NTRK3: variants seen among roughly 807,000 people sequenced by gnomAD.
NTRK3 encodes neurotrophic receptor tyrosine kinase 3.
NTRK3 carries 24 observed loss-of-function variants against 91.7 expected under a neutral mutation model. That is an observed-to-expected ratio of 0.26 (90% CI 0.19 to 0.37). NTRK3 has a LOEUF of 0.37. Ranked by LOEUF, NTRK3 falls within the 10% of genes least tolerant of loss-of-function variation. NTRK3 has a pLI of 1.00. For synonymous variants in NTRK3, 483 were observed against 404.0 expected (o/e 1.20, Z -2.34); for missense variants, 880 against 1,068.9 (o/e 0.82, Z 2.46).
At chr15:88,210,095 A>G (rs1225011197) in intron 3 of NTRK3, 1 of 152,202 alleles carries the variant, frequency 6.6e-6, no homozygotes, top group Non-Finnish European at 1.5e-5. Flanking sequence ...TACACAAATA[A>G]CAAATATTAT....
At chr15:88,123,948 A>G (rs2053010771) in intron 13 of NTRK3, among the ~76,000 whole-genome samples, 2 of 152,200 alleles carry the variant, frequency 1.3e-5, no homozygotes, top group African/African-American at 4.8e-5. Flanking sequence ...GGAGGGTTTA[A>G]TGAGGCATGT....
intron 14 of NTRK3, among the ~76,000 whole-genome samples, chr15:87,986,090 C>T (rs1027552982): frequency 2.0e-5 from 3 of 152,348 alleles, no homozygotes; most frequent in Admixed American, 6.5e-5. Context: ...TTACCATTCT[C>T]AGAATTCACT....
At chr15:88,060,022 C>A (rs1318584317) in intron 13 of NTRK3, among the ~76,000 whole-genome samples, 1 of 152,164 alleles carries the variant, frequency 6.6e-6, no homozygotes, top group East Asian at 1.9e-4. Context: ...GTTGTTAAAG[C>A]CACCGAGTCT....
At chr15:88,157,991 G>A (rs2044076933) in intron 5 of NTRK3, among the ~76,000 whole-genome samples, 1 of 152,168 alleles carries the variant, frequency 6.6e-6, no homozygotes, top group Admixed American at 6.5e-5. Flanking sequence ...GATGGGTAAG[G>A]TCATGGCCTT....
intron 13 of NTRK3, among the ~76,000 whole-genome samples, chr15:88,115,492 G>A (rs1241900043): frequency 3.9e-5 from 6 of 152,296 alleles, no homozygotes; most frequent in Middle Eastern, 6.8e-3. Context: ...CCACCCGGAC[G>A]CCCTCCTTGG....
chr15:87,906,582 G>C (rs890074471), intron 17 of NTRK3, among the ~76,000 whole-genome samples: 1 of 152,196 alleles, frequency 6.6e-6, no homozygotes, highest in African/African-American at 2.4e-5. Context: ...TATGAAGTTT[G>C]TGAGTATTTC....
At chr15:87,909,485 G>T (rs969753763) in intron 17 of NTRK3, among the ~76,000 whole-genome samples, 3 of 152,166 alleles carry the variant, frequency 2.0e-5, no homozygotes, top group Admixed American at 2.0e-4. Context: ...ATAGGGTGAG[G>T]CTGAAAAGAC....
chr15:88,198,000 T>C (rs2047977127), intron 3 of NTRK3, among the ~76,000 whole-genome samples: 1 of 152,232 alleles, frequency 6.6e-6, no homozygotes, highest in African/African-American at 2.4e-5. Flanking sequence ...ATAATGATGC[T>C]GAACTCATGG....
intron 17 of NTRK3, among the ~76,000 whole-genome samples, chr15:87,892,083 A>ACAACACACAC (rs2065880934): frequency 7.1e-6 from 1 of 141,344 alleles, no homozygotes; most frequent in Non-Finnish European, 1.5e-5. Flanking sequence ...CCCCATCCCC[A>ACAACACACAC]ACACACACAC....
At chr15:87,915,282 C>A (rs1485425636) in intron 17 of NTRK3, among the ~76,000 whole-genome samples, 3 of 152,208 alleles carry the variant, frequency 2.0e-5, no homozygotes, top group African/African-American at 7.2e-5. Context: ...TGGACTTAAG[C>A]CAGTCTTTTC....
At chr15:88,162,583 G>A (rs909445353) in intron 5 of NTRK3, among the ~76,000 whole-genome samples, 15 of 152,144 alleles carry the variant, frequency 9.9e-5, no homozygotes, top group African/African-American at 3.1e-4. Context: ...ACCAGACAAC[G>A]CACTCAGCAT....
At chr15:87,873,451 G>T (rs903126228) in exon 19 of NTRK3, 1 of 231,100 alleles carries the variant, frequency 4.3e-6, no homozygotes, top group Non-Finnish European at 8.6e-6. Context: ...ACACCCAACA[G>T]CAGGTCACTC....
At chr15:87,930,008 G>A (rs2068653481) in intron 16 of NTRK3, among the ~76,000 whole-genome samples, 2 of 152,126 alleles carry the variant, frequency 1.3e-5, no homozygotes, top group African/African-American at 4.8e-5. Context: ...AAGATTCCCT[G>A]GCCCTGCCCC....
intron 3 of NTRK3, among the ~76,000 whole-genome samples, chr15:88,212,134 C>T (rs769822644): frequency 2.0e-5 from 3 of 152,184 alleles, no homozygotes; most frequent in Non-Finnish European, 2.9e-5. Context: ...TTTGGGAGGC[C>T]GAGGTGGGCA....
chr15:88,194,695 G>C (rs1245520786), intron 3 of NTRK3, among the ~76,000 whole-genome samples: 1 of 152,156 alleles, frequency 6.6e-6, no homozygotes, highest in South Asian at 2.1e-4. Flanking sequence ...ATTTAATCAT[G>C]CCCTCCACCA....
chr15:87,968,069 T>C (rs1357549778), intron 14 of NTRK3, among the ~76,000 whole-genome samples: 1 of 152,162 alleles, frequency 6.6e-6, no homozygotes, highest in Non-Finnish European at 1.5e-5. Flanking sequence ...TTCCCAGCAA[T>C]AGTAAGATAG....
chr15:87,985,172 T>C (rs573337911), intron 14 of NTRK3, among the ~76,000 whole-genome samples: 2 of 151,914 alleles, frequency 1.3e-5, no homozygotes, highest in Non-Finnish European at 2.9e-5. Context: ...ACTATGTGAG[T>C]AAGGGAAGCA....
intron 5 of NTRK3, among the ~76,000 whole-genome samples, chr15:88,178,227 A>G (rs956950594): frequency 6.6e-5 from 10 of 152,234 alleles, no homozygotes; most frequent in Non-Finnish European, 1.2e-4. Context: ...GATACTGTCT[A>G]CATGTCATCT....
At chr15:88,178,808 T>C (rs1033639322) in intron 5 of NTRK3, among the ~76,000 whole-genome samples, 7 of 152,204 alleles carry the variant, frequency 4.6e-5, no homozygotes, top group Non-Finnish European at 7.3e-5. Context: ...TAAACAGAGC[T>C]TTCTCAACAG....
Sources: allele counts gnomAD v4.1 joint callset (sites outside exome capture counted in the v4.1 genomes callset), GRCh38; gene constraint gnomAD v4.1.1; transcripts MANE v1.5; gene names NCBI Gene and HGNC (gene_info 2026-07-23, HGNC 2026-07-21).